IMMP2L: variants seen among roughly 807,000 people sequenced by gnomAD.
The protein encoded by IMMP2L is inner mitochondrial membrane peptidase subunit 2.
Under a neutral mutation model 19.3 loss-of-function variants are expected in IMMP2L, and 18 were observed. That is an observed-to-expected ratio of 0.93 (90% CI 0.64 to 1.38). The LOEUF (loss-of-function observed/expected upper bound fraction) is 1.38, where lower values mean the gene tolerates loss of function less well. IMMP2L is among the 40% of genes most tolerant of loss of function. IMMP2L has a pLI of 0.00. For missense variants in IMMP2L, 233 were observed against 218.2 expected (o/e 1.07, Z -0.43); for synonymous variants, 76 against 73.0 (o/e 1.04, Z -0.21).
intron 3 of IMMP2L, among the ~76,000 whole-genome samples, chr7:111,048,738 A>T (rs767001727): frequency 1.2e-4 from 18 of 152,216 alleles, no homozygotes; most frequent in Non-Finnish European, 1.9e-4. Flanking sequence ...TGTTTCATAA[A>T]GACTATAAAA....
intron 5 of IMMP2L, among the ~76,000 whole-genome samples, chr7:110,702,216 T>G (rs1236448565): frequency 6.6e-6 from 1 of 152,126 alleles, no homozygotes; most frequent in East Asian, 1.9e-4. Context: ...ATTATAAGTG[T>G]GGGCCACTAC....
chr7:110,837,022 T>C (rs1371285494), intron 5 of IMMP2L, among the ~76,000 whole-genome samples: 1 of 152,110 alleles, frequency 6.6e-6, no homozygotes, highest in Non-Finnish European at 1.5e-5. Context: ...GGATTTTTCA[T>C]AAAAATTAAA....
chr7:110,821,875 A>G (rs936442087), intron 5 of IMMP2L, among the ~76,000 whole-genome samples: 4 of 152,132 alleles, frequency 2.6e-5, no homozygotes, highest in Non-Finnish European at 5.9e-5. Context: ...GTGAACCAAG[A>G]TCACGTCACT....
chr7:111,496,456 T>C (rs1843602386), intron 2 of IMMP2L, among the ~76,000 whole-genome samples: 1 of 151,958 alleles, frequency 6.6e-6, no homozygotes, highest in South Asian at 2.1e-4. Context: ...TGTGAGGGAG[T>C]GTTCCCAGGA....
At chr7:111,174,069 A>C (rs1470946419) in intron 3 of IMMP2L, among the ~76,000 whole-genome samples, 1 of 151,750 alleles carries the variant, frequency 6.6e-6, no homozygotes, top group African/African-American at 2.4e-5. Context: ...CCTGCCCCAT[A>C]TCATAAAGAA....
Position 110,727,544 on chromosome 7 carries a change from G to A in IMMP2L, c.409-63823C>T, listed in dbSNP as rs1177062529. On this transcript the variant is annotated intron_variant, in intron 5 of 5. Coordinates refer to ENST00000405709, the MANE Select transcript of IMMP2L (RefSeq NM_032549.4). The surrounding 1 kb of genome is among the most constrained non-coding windows in gnomAD (Gnocchi z 4.3). ...CAGTGCTCCAAACCAGTAAGAGTCA[G>A]AAACTGATGTTAGCAAATTGAAGGT... Among the ~76,000 whole-genome samples, 1 of 152,204 alleles carries A rather than the reference G, an allele frequency of 6.6e-6. No homozygotes were observed. The highest frequency in any genetic ancestry group is 1.5e-5 in the Non-Finnish European group (1 of 68,040).
At position 111,123,675 on chromosome 7, in the gene IMMP2L, T is replaced by C. The variant is rs1355867897; in HGVS notation, c.240-160110A>G. The stretch of plus-strand genomic sequence containing the variant: ...ATATGCCTGAGCTGATTTCCATCGA[T>C]AGTCTTGCTGTGGATAACCTGCCAG... On this transcript the variant is annotated intron_variant, in intron 3 of 5. Coordinates refer to ENST00000405709, the MANE Select transcript of IMMP2L (RefSeq NM_032549.4). The surrounding 1 kb of genome is among the most constrained non-coding windows in gnomAD (Gnocchi z 6.4). 2 of 1,613,816 alleles carry C rather than the reference T, an allele frequency of 1.2e-6. No homozygotes were observed. Among genetic ancestry groups the C allele is most frequent in the African/African-American group, 1.3e-5 (1 of 74,898 alleles).
chr7:111,286,303 T>G (rs1820473088), intron 3 of IMMP2L, among the ~76,000 whole-genome samples: 1 of 152,104 alleles, frequency 6.6e-6, no homozygotes, highest in Admixed American at 6.6e-5. Flanking sequence ...AAGAACTTTC[T>G]CCTATGGTTG....
chr7:111,237,742 G>A (rs557319972), intron 3 of IMMP2L, among the ~76,000 whole-genome samples: 21 of 151,614 alleles, frequency 1.4e-4, no homozygotes, highest in African/African-American at 5.1e-4. Flanking sequence ...GGTTCAATTA[G>A]TCCAATCTGC....
intron 3 of IMMP2L, among the ~76,000 whole-genome samples, chr7:111,327,516 C>G (rs371424674): frequency 1.4e-4 from 21 of 151,786 alleles, no homozygotes; most frequent in African/African-American, 5.1e-4. Flanking sequence ...CATCCATGTA[C>G]TTCTTACACT....
At chr7:110,704,213 T>A (rs1794488745) in intron 5 of IMMP2L, among the ~76,000 whole-genome samples, 1 of 152,210 alleles carries the variant, frequency 6.6e-6, no homozygotes, top group Non-Finnish European at 1.5e-5. Context: ...AACATAACTA[T>A]ATTTGTTAAC....
intron 4 of IMMP2L, among the ~76,000 whole-genome samples, chr7:110,921,300 G>T (rs1295359538): frequency 6.6e-6 from 1 of 152,156 alleles, no homozygotes; most frequent in East Asian, 1.9e-4. Context: ...GGAAGGGTCA[G>T]TTCCATCTGA....
intron 5 of IMMP2L, among the ~76,000 whole-genome samples, chr7:110,717,276 A>C (rs1358960354): frequency 6.6e-6 from 1 of 152,114 alleles, no homozygotes; most frequent in Non-Finnish European, 1.5e-5. Flanking sequence ...GGAGATGGAG[A>C]CCATCCTGGC....
At chr7:110,756,207 T>G (rs1401971804) in intron 5 of IMMP2L, among the ~76,000 whole-genome samples, 2 of 151,968 alleles carry the variant, frequency 1.3e-5, no homozygotes, top group Non-Finnish European at 2.9e-5. Context: ...GGAAAACAAA[T>G]AGTCTGCTCT....
intron 3 of IMMP2L, among the ~76,000 whole-genome samples, chr7:110,981,009 T>C (rs1426700075): frequency 6.6e-6 from 1 of 152,202 alleles, no homozygotes; most frequent in Non-Finnish European, 1.5e-5. Flanking sequence ...CAATAAAATC[T>C]TCCAAAAAGA....
At chr7:110,941,913 A>G (rs1185466860) in intron 4 of IMMP2L, among the ~76,000 whole-genome samples, 1 of 150,760 alleles carries the variant, frequency 6.6e-6, no homozygotes, top group East Asian at 1.9e-4. Flanking sequence ...GGGGAGCTCA[A>G]TTTTTGTCAA....
chr7:111,452,156 C>T (rs1839266577), intron 3 of IMMP2L, among the ~76,000 whole-genome samples: 1 of 152,036 alleles, frequency 6.6e-6, no homozygotes, highest in South Asian at 2.1e-4. Flanking sequence ...AATTTTGAGC[C>T]TTACTTTAGT....
At chr7:111,070,307 G>T (rs1343425141) in intron 3 of IMMP2L, among the ~76,000 whole-genome samples, 1 of 152,126 alleles carries the variant, frequency 6.6e-6, no homozygotes, top group African/African-American at 2.4e-5. Flanking sequence ...CTAACATGCT[G>T]CAAAACATTC....
At chr7:111,531,520 A>G (rs1348060107) in intron 1 of IMMP2L, among the ~76,000 whole-genome samples, 1 of 152,136 alleles carries the variant, frequency 6.6e-6, no homozygotes, top group Non-Finnish European at 1.5e-5. Flanking sequence ...AATTCTGCAA[A>G]AAGTTTACCA....
Sources: allele counts gnomAD v4.1 joint callset (sites outside exome capture counted in the v4.1 genomes callset), GRCh38; gene constraint gnomAD v4.1.1; non-coding constraint Gnocchi (gnomAD v3.1); transcripts MANE v1.5; gene names NCBI Gene and HGNC (gene_info 2026-07-23, HGNC 2026-07-21).